GCGR: variants seen among roughly 807,000 people sequenced by gnomAD.
The protein encoded by GCGR is glucagon receptor.
In GCGR, 41 loss-of-function variants were observed where a neutral mutation model predicts 56.1. That is an observed-to-expected ratio of 0.73 (90% CI 0.57 to 0.95). The LOEUF (loss-of-function observed/expected upper bound fraction) is 0.95, where lower values mean the gene tolerates loss of function less well. GCGR is among the 40% of genes least tolerant of loss of function. GCGR has a pLI of 0.00. For synonymous variants in GCGR, 278 were observed against 271.1 expected (o/e 1.03, Z -0.25); for missense variants, 595 against 638.2 (o/e 0.93, Z 0.73).
At position 81,808,207 on chromosome 17, in the gene GCGR, A is replaced by T. The variant is rs564090732; in HGVS notation, c.-177-635A>T. Among the ~76,000 whole-genome samples the T allele has an allele frequency of 1.3e-5, 2 of 152,342 alleles. 1 individual carries two copies. The highest frequency in any genetic ancestry group is 4.1e-4 in the South Asian group (2 of 4,828). On this transcript the variant is annotated intron_variant, in intron 1 of 13. Transcript: ENST00000400723. ...CTCGCTGTGGCACTGGGGCCAAGTG[A>T]TGGAAGGTCCAGGCACCGCCACCCT...
rs77303632 is a variant in GCGR, at chr17:81,811,938, G to A, written c.870G>A (p.Glu290=). The change falls in exon 9 of 14, where the codon GAG becomes GAA. Residue 290 remains glutamate, a synonymous_variant. Transcript: ENST00000400723. This position sits in a 1 kb window ranked among gnomAD's most constrained non-coding sequence, Gnocchi z 5.8. ...VPWAVVKCLF[E]NVQCWTSNDN... is the part of the protein sequence containing the mutation. ...GGGCAGTGGTCAAGTGTCTGTTCGA[G>A]AACGTCCAGTGAGTATGAGCGGCTG... 6.5e-7 allele frequency: 1 copy of A among 1,537,018 alleles called. No homozygotes were observed. Among genetic ancestry groups the A allele is most frequent in the Admixed American group, 2.0e-5 (1 of 51,000 alleles).
chr17:81,807,583 C>G (rs2143104821), intron 1 of GCGR, among the ~76,000 whole-genome samples: 1 of 152,368 alleles, frequency 6.6e-6, no homozygotes, highest in South Asian at 2.1e-4. Context: ...TGCCCCTCTC[C>G]CCGGCTTCCC....
rs1280694012 is a variant in GCGR at position 81,813,808 on chromosome 17, AC to A, written c.*125del. 43 of 876,202 alleles carry A rather than the reference AC, an allele frequency of 4.9e-5. No homozygotes were observed. The highest frequency in any genetic ancestry group is 6.7e-5 in the Non-Finnish European group (39 of 583,350). 54.3% of individuals were successfully genotyped at this position (876,202 alleles called of 1,614,324 possible). The stretch of plus-strand genomic sequence containing the variant: ...GGGGAGCCAACAGCAGCCCCCACCT[AC>A]CCCCCACCCCCAGTGTGGCTGTCTG... On this transcript the variant is annotated 3_prime_UTR_variant, in exon 14 of 14. Coordinates refer to ENST00000400723, the MANE Select transcript of GCGR (RefSeq NM_000160.5). The surrounding 1 kb of genome is among the most constrained non-coding windows in gnomAD (Gnocchi z 5.3).
At position 81,804,868 on chromosome 17, in the gene GCGR, C is replaced by G. The variant is rs1466911590; in HGVS notation, c.-178+619C>G. Among the ~76,000 whole-genome samples the G allele has an allele frequency of 6.6e-6, 1 of 152,178 alleles. No homozygotes were observed. Among genetic ancestry groups the G allele is most frequent in the African/African-American group, 2.4e-5 (1 of 41,448 alleles). On this transcript the variant is annotated intron_variant, in intron 1 of 13. Coordinates refer to ENST00000400723, the MANE Select transcript of GCGR (RefSeq NM_000160.5). This position sits in a 1 kb window ranked among gnomAD's most constrained non-coding sequence, Gnocchi z 8.2. The stretch of plus-strand genomic sequence containing the variant: ...CCACCCGGCCGACTCGGCCACCGGG[C>G]TTATGCTCCGACTCTGAACCGACTG...
At position 81,812,287 on chromosome 17, in the gene GCGR, C is replaced by T; in HGVS notation, c.948+35C>T. ...TGAAGAGCCAGGAGCGCACCCCAGGCCCCTCCTCCCTTGGCGTCCTGAGGC... is the reference window on the plus strand; with the variant it reads ...TGAAGAGCCAGGAGCGCACCCCAGGTCCCTCCTCCCTTGGCGTCCTGAGGC... On this transcript the variant is annotated intron_variant, in intron 10 of 13. Transcript: ENST00000400723. This position sits in a 1 kb window ranked among gnomAD's most constrained non-coding sequence, Gnocchi z 8.5. 6.5e-7 allele frequency: 1 copy of T among 1,532,864 alleles called. No individual in the cohort carries two copies. The highest frequency in any genetic ancestry group is 8.7e-7 in the Non-Finnish European group (1 of 1,145,230). 95.0% of individuals were successfully genotyped at this position (1,532,864 alleles called of 1,614,324 possible).
At chr17:81,809,936 TG>T in intron 3 of GCGR, 52 bp downstream of exon 3, 1 of 1,336,960 alleles carries the variant, frequency 7.5e-7, no homozygotes, top group Non-Finnish European at 1.0e-6. Context: ...CAGCACTTCC[TG>T]AGTTCTCTTC....
intron 2 of GCGR, among the ~76,000 whole-genome samples, chr17:81,809,353 GGCCT>G (rs986575732): frequency 1.2e-4 from 8 of 68,128 alleles, no homozygotes; most frequent in Admixed American, 3.1e-4. Flanking sequence ...CCTGTCTGTC[GGCCT>G]GCCTGCCTGC....
In GCGR at chr17:81,812,535, C is replaced by T. The variant is rs1420136636; in HGVS notation, c.949-42C>T. ...CCTTCCAAGGGCACAGAGCTGTTCC[C>T]TGGGGCTCGGGATGCCCCTGACTCG... is the stretch of plus-strand genomic sequence containing the variant. On this transcript the variant is annotated intron_variant, in intron 10 of 13. Coordinates refer to ENST00000400723, the MANE Select transcript of GCGR (RefSeq NM_000160.5). This position sits in a 1 kb window ranked among gnomAD's most constrained non-coding sequence, Gnocchi z 8.5. 2.6e-6 allele frequency: 4 copies of T among 1,519,644 alleles called. No individual in the cohort carries two copies. Among genetic ancestry groups the T allele is most frequent in the Non-Finnish European group, 3.5e-6 (4 of 1,133,222 alleles). The allele number at this position is 1,519,644 out of a possible 1,614,324, so 94.1% of individuals were successfully genotyped here.
rs1288934844 is a variant in GCGR, at chr17:81,811,387, ACTGG to A, written c.501-13_501-10del. On this transcript the variant is annotated splice_polypyrimidine_tract_variant and intron_variant, in intron 6 of 13. Transcript: ENST00000400723. The surrounding 1 kb of genome is among the most constrained non-coding windows in gnomAD (Gnocchi z 5.8). The stretch of plus-strand genomic sequence containing the variant: ...AGGACAGGGAGGAGGACGGGCGCTG[ACTGG>A]CTGTGCCCACAGCAAGCTGCACTGC... 3.3e-6 allele frequency: 5 copies of A among 1,535,896 alleles called. No homozygotes were observed. The highest frequency in any genetic ancestry group is 4.4e-6 in the Non-Finnish European group (5 of 1,146,630).
Position 81,811,441 on chromosome 17 carries a change from CT to C in GCGR, c.539del (p.Leu180ArgfsTer7). The C allele has an allele frequency of 6.5e-7, 1 of 1,536,626 alleles. No individual in the cohort carries two copies. Reference protein sequence around the residue: ...HCTRNAIHANLFASFVLKASS... With the variant: ...HCTRNAIHANXFASFVLKASS... ...CACCCGCAATGCCATCCACGCGAAT[CT>C]GTTTGCGTCCTTCGTGCTGAAAGCC... On this transcript the variant is annotated frameshift_variant, in exon 7 of 14. Coordinates refer to ENST00000400723, the MANE Select transcript of GCGR (RefSeq NM_000160.5). LOFTEE classifies it high-confidence loss of function. This position sits in a 1 kb window ranked among gnomAD's most constrained non-coding sequence, Gnocchi z 5.8.
chr17:81,810,829 G>A lies in GCGR; in HGVS notation c.168G>A (p.Leu56=), dbSNP rs757412889. 6 of 1,536,894 alleles carry A rather than the reference G, an allele frequency of 3.9e-6. No homozygotes were observed. The highest frequency in any genetic ancestry group is 5.2e-6 in the Non-Finnish European group (6 of 1,146,916). The change falls in exon 4 of 14, where the codon CTG becomes CTA. Residue 56 remains leucine (L), a synonymous_variant. Coordinates refer to ENST00000400723, the MANE Select transcript of GCGR (RefSeq NM_000160.5). The surrounding 1 kb of genome is among the most constrained non-coding windows in gnomAD (Gnocchi z 4.6). ...CTGCCCTACCCTACCCTGCAGAGCT[G>A]GTGTGCAACAGAACCTTCGACAAGT... is the stretch of plus-strand genomic sequence containing the variant. The part of the protein sequence containing the change: ...NLSLLPPPTE[L]VCNRTFDKYS...
chr17:81,806,166 C>T lies in GCGR; in HGVS notation c.-178+1917C>T, dbSNP rs2037960357. 6.6e-6 allele frequency among the ~76,000 whole-genome samples: 1 copy of T among 152,240 alleles called. No individual in the cohort carries two copies. The highest frequency in any genetic ancestry group is 1.9e-4 in the East Asian group (1 of 5,174). On this transcript the variant is annotated intron_variant, in intron 1 of 13. Coordinates refer to ENST00000400723, the MANE Select transcript of GCGR (RefSeq NM_000160.5). This position sits in a 1 kb window ranked among gnomAD's most constrained non-coding sequence, Gnocchi z 6.5. The stretch of plus-strand genomic sequence containing the variant: ...CTGGAAATTGGTCCCCCCCCGGCTC[C>T]ACCCACCCCTGTTGGGGTGAGGAGC...
At position 81,811,654 on chromosome 17, in the gene GCGR, G is replaced by C. The variant is rs753414714; in HGVS notation, c.661G>C (p.Val221Leu). 3.1e-5 allele frequency: 48 copies of C among 1,536,502 alleles called. No homozygotes were observed. The South Asian group carries it at 4.8e-4, about 15-fold the overall frequency. ...SVSTWLSDGA[V>L]AGCRVAAVFM... Reference sequence around the variant, plus strand: ...GCTCACACTGCACCTGTACCAGGCGGTGGCTGGCTGCCGTGTGGCCGCGGT... The same window carrying C: ...GCTCACACTGCACCTGTACCAGGCGCTGGCTGGCTGCCGTGTGGCCGCGGT... Residue 221 changes from valine to leucine, a missense_variant, in exon 8 of 14, where the codon GTG becomes CTG. Transcript: ENST00000400723. The surrounding 1 kb of genome is among the most constrained non-coding windows in gnomAD (Gnocchi z 5.8).
At position 81,811,881 on chromosome 17, in the gene GCGR, C is replaced by G. The variant is rs2038107972; in HGVS notation, c.818-5C>G. On this transcript the variant is annotated splice_region_variant and splice_polypyrimidine_tract_variant and intron_variant, in intron 8 of 13. Coordinates refer to ENST00000400723, the MANE Select transcript of GCGR (RefSeq NM_000160.5). This position sits in a 1 kb window ranked among gnomAD's most constrained non-coding sequence, Gnocchi z 5.8. Reference sequence around the variant, plus strand: ...CTTTGGGACCACAGCTGCTGCCCCCCACAGGTGCCCCCATGCTGTTCGTCG... The same window carrying G: ...CTTTGGGACCACAGCTGCTGCCCCCGACAGGTGCCCCCATGCTGTTCGTCG... 6.5e-7 allele frequency: 1 copy of G among 1,537,134 alleles called. No homozygotes were observed. The highest frequency in any genetic ancestry group is 1.4e-5 in the African/African-American group (1 of 73,152).
At chr17:81,809,310 G>A (rs2038030992) in intron 2 of GCGR, among the ~76,000 whole-genome samples, 1 of 149,104 alleles carries the variant, frequency 6.7e-6, no homozygotes, top group Non-Finnish European at 1.5e-5. Flanking sequence ...CTGTCTGCCT[G>A]TCCATCTGTC....
In GCGR at chr17:81,804,549, G is replaced by A. The variant is rs1032932290; in HGVS notation, c.-178+300G>A. ...GGTGTCGCTGGCCGCCTGGCGCCCT[G>A]CGGCGGCCACACTGCAGCGGCCACA... On this transcript the variant is annotated intron_variant, in intron 1 of 13. Coordinates refer to ENST00000400723, the MANE Select transcript of GCGR (RefSeq NM_000160.5). This position sits in a 1 kb window ranked among gnomAD's most constrained non-coding sequence, Gnocchi z 8.2. Among the ~76,000 whole-genome samples, 1 of 151,730 alleles carries A rather than the reference G, an allele frequency of 6.6e-6. No homozygotes were observed. The highest frequency in any genetic ancestry group is 1.5e-5 in the Non-Finnish European group (1 of 67,830).
At position 81,813,849 on chromosome 17, in the gene GCGR, C is replaced by T. The variant is rs1223723312; in HGVS notation, c.*160C>T. On this transcript the variant is annotated 3_prime_UTR_variant, in exon 14 of 14. Coordinates refer to ENST00000400723, the MANE Select transcript of GCGR (RefSeq NM_000160.5). This position sits in a 1 kb window ranked among gnomAD's most constrained non-coding sequence, Gnocchi z 5.3. The stretch of plus-strand genomic sequence containing the variant: ...GTGGCTGTCTGCGAGATTGGGCCTC[C>T]TCTCCCTGCACCTGCCTTGTCCCTG... 18 of 661,954 alleles carry T rather than the reference C, an allele frequency of 2.7e-5. No homozygotes were observed. Among genetic ancestry groups the T allele is most frequent in the Non-Finnish European group, 4.3e-5 (17 of 391,198 alleles). 41.0% of individuals were successfully genotyped at this position (661,954 alleles called of 1,614,324 possible). A position where few individuals can be genotyped will look rare whatever the true frequency, so the allele number is the denominator to read the frequency against.
rs995806123 is a variant in GCGR at position 81,811,804 on chromosome 17, G to A, written c.811G>A (p.Gly271Ser). The change falls in exon 8 of 14, where the codon GGC becomes AGC. Residue 271 changes from glycine to serine, a missense_variant. Coordinates refer to ENST00000400723, the MANE Select transcript of GCGR (RefSeq NM_000160.5). The surrounding 1 kb of genome is among the most constrained non-coding windows in gnomAD (Gnocchi z 5.8). ...CTTCTTCAGCCTCTACCTGGGCATC[G>A]GCTGGGGTGAGTGGGCTGGCATGAG... ...RSFFSLYLGI[G>S]WGAPMLFVVP... 23 of 1,537,084 alleles carry A rather than the reference G, an allele frequency of 1.5e-5. No individual in the cohort carries two copies. Among genetic ancestry groups the A allele is most frequent in the East Asian group, 2.4e-5 (1 of 40,934 alleles).
At chr17:81,805,962 T>C (rs1366132172) in intron 1 of GCGR, among the ~76,000 whole-genome samples, 1 of 151,942 alleles carries the variant, frequency 6.6e-6, no homozygotes, top group Admixed American at 6.6e-5. Context: ...CAGTGTCTCC[T>C]CTCGGGGGAG....
Sources: gnomAD v4.1 joint callset for allele counts (sites outside exome capture counted in the v4.1 genomes callset) on GRCh38, gnomAD v4.1.1 for gene constraint, Gnocchi (gnomAD v3.1) non-coding constraint, MANE v1.5 for transcripts, NCBI Gene and HGNC (gene_info 2026-07-23, HGNC 2026-07-21) for gene names.